Variants in TMEM132B observed in about 807,000 individuals in gnomAD.
The protein encoded by TMEM132B is transmembrane protein 132B.
A neutral mutation model predicts 90.8 loss-of-function variants in TMEM132B; 18 were observed. The observed-to-expected ratio is 0.20, with a 90% confidence interval of 0.14 to 0.29. TMEM132B has a LOEUF of 0.29. Among genes scored for constraint, TMEM132B ranks in the 10% least tolerant of loss-of-function variants. TMEM132B has a pLI of 1.00. For missense variants in TMEM132B, 1,096 were observed against 1,326.8 expected (o/e 0.83, Z 2.70); for synonymous variants, 504 against 523.3 (o/e 0.96, Z 0.50).
chr12:125,194,224 G>A (rs1361965666), intron 1 of TMEM132B, among the ~76,000 whole-genome samples: 2 of 150,878 alleles, frequency 1.3e-5, no homozygotes, highest in East Asian at 4.0e-4. Flanking sequence ...TACTGAGGGT[G>A]ATAGAGTTGC....
At position 125,237,026 on chromosome 12, in the gene TMEM132B, C is replaced by G. The variant is rs1289586814; in HGVS notation, c.67+50160C>G. Reference sequence around the variant, plus strand: ...CTGTGGGCAGCTGGGGCTCAAGCCCCACTGAGTGTCCTAAAGAGGCATGAA... The same window carrying G: ...CTGTGGGCAGCTGGGGCTCAAGCCCGACTGAGTGTCCTAAAGAGGCATGAA... On this transcript the variant is annotated intron_variant, in intron 1 of 8. Coordinates refer to ENST00000682704, the MANE Select transcript of TMEM132B (RefSeq NM_001366854.1). 3.3e-5 allele frequency among the ~76,000 whole-genome samples: 5 copies of G among 152,218 alleles called. No homozygotes were observed. The East Asian group carries it at 9.6e-4, about 29-fold the overall frequency.
At chr12:125,297,878 C>T (rs1370587951) in intron 1 of TMEM132B, among the ~76,000 whole-genome samples, 2 of 152,298 alleles carry the variant, frequency 1.3e-5, no homozygotes, top group Admixed American at 1.3e-4. Flanking sequence ...GTTCTTCCTC[C>T]TCTCTCTTTC....
At chr12:125,228,594 C>T (rs140610081) in intron 1 of TMEM132B, among the ~76,000 whole-genome samples, 1 of 152,318 alleles carries the variant, frequency 6.6e-6, no homozygotes, top group African/African-American at 2.4e-5. Flanking sequence ...GTGGGCGGAG[C>T]TGGACCTGTT....
rs115083720 is a variant in TMEM132B, at chr12:125,564,153, C to T, written c.1294-19698C>T. ...AAAATAGATTTGCAGCCAGCAGTTT[C>T]ATTAATTTGAGTCCTGAAACACTAT... On this transcript the variant is annotated intron_variant, in intron 4 of 8. Transcript: ENST00000682704. 1.7e-3 allele frequency among the ~76,000 whole-genome samples: 261 copies of T among 152,304 alleles called. 2 individuals carry two copies. The highest frequency in any genetic ancestry group is 6.1e-3 in the African/African-American group (255 of 41,558).
At position 125,544,000 on chromosome 12, in the gene TMEM132B, C is replaced by T. The variant is rs140248114; in HGVS notation, c.1293+24375C>T. On this transcript the variant is annotated intron_variant, in intron 4 of 8. Transcript: ENST00000682704. ...TAAAAAAACTGTGTACATATAACACCATGGAATACTATACAGCCATAAAAA... is the reference window on the plus strand; with the variant it reads ...TAAAAAAACTGTGTACATATAACACTATGGAATACTATACAGCCATAAAAA... Among the ~76,000 whole-genome samples, 1,492 of 152,230 alleles carry T rather than the reference C, an allele frequency of 9.8e-3. 27 individuals are homozygous for T. Among genetic ancestry groups the T allele is most frequent in the African/African-American group, 0.035 (1,438 of 41,516 alleles).
intron 3 of TMEM132B, among the ~76,000 whole-genome samples, chr12:125,471,307 G>A (rs1183077798): frequency 6.6e-6 from 1 of 152,178 alleles, no homozygotes; most frequent in African/African-American, 2.4e-5. Flanking sequence ...GATGTGTCCT[G>A]TTAGAGATGA....
chr12:125,613,887 T>C (rs1885923063), intron 5 of TMEM132B, among the ~76,000 whole-genome samples: 1 of 152,092 alleles, frequency 6.6e-6, no homozygotes, highest in South Asian at 2.1e-4. Flanking sequence ...TTTGATTCTG[T>C]GAATCAAAGT....
chr12:125,192,499 A>G (rs908928652), intron 1 of TMEM132B, among the ~76,000 whole-genome samples: 3 of 152,146 alleles, frequency 2.0e-5, no homozygotes, highest in Admixed American at 6.5e-5. Flanking sequence ...TTATTTTAGA[A>G]ATGAGGTCTT....
At chr12:125,351,093 A>G (rs933496138) in intron 2 of TMEM132B, among the ~76,000 whole-genome samples, 2 of 152,142 alleles carry the variant, frequency 1.3e-5, no homozygotes, top group Admixed American at 1.3e-4. Context: ...CAAAACATTA[A>G]ATAGAGACCC....
At chr12:125,318,212 C>T (rs1876338100) in intron 1 of TMEM132B, among the ~76,000 whole-genome samples, 1 of 151,974 alleles carries the variant, frequency 6.6e-6, no homozygotes, top group Non-Finnish European at 1.5e-5. Flanking sequence ...ACATGGTGAA[C>T]CCCAAGTTGA....
intron 5 of TMEM132B, among the ~76,000 whole-genome samples, chr12:125,605,285 A>C (rs1885665544): frequency 6.6e-6 from 1 of 152,108 alleles, no homozygotes; most frequent in Admixed American, 6.6e-5. Context: ...AATCATCTTT[A>C]TATCGGGACA....
chr12:125,201,264 A>G (rs1873051277), intron 1 of TMEM132B, among the ~76,000 whole-genome samples: 2 of 152,292 alleles, frequency 1.3e-5, no homozygotes, highest in South Asian at 2.1e-4. Context: ...CTCATCTTCT[A>G]TTTGATCAAT....
intron 1 of TMEM132B, among the ~76,000 whole-genome samples, chr12:125,322,777 C>G (rs1876463307): frequency 6.6e-6 from 1 of 152,160 alleles, no homozygotes; most frequent in Admixed American, 6.5e-5. Flanking sequence ...TACCCCTCAG[C>G]AATCCAGTTT....
At chr12:125,563,466 T>C (rs1211444714) in intron 4 of TMEM132B, among the ~76,000 whole-genome samples, 2 of 151,990 alleles carry the variant, frequency 1.3e-5, no homozygotes, top group African/African-American at 2.4e-5. Context: ...AATTAACTGC[T>C]GAGGCAGGAG....
chr12:125,356,218 G>A (rs890684628), intron 2 of TMEM132B, among the ~76,000 whole-genome samples: 1 of 152,150 alleles, frequency 6.6e-6, no homozygotes, highest in East Asian at 1.9e-4. Context: ...TCTCTTAGAC[G>A]GTGGAGCCCA....
chr12:125,287,027 T>TTTC (rs60241170), intron 1 of TMEM132B, among the ~76,000 whole-genome samples: 2 of 149,230 alleles, frequency 1.3e-5, no homozygotes, highest in Non-Finnish European at 3.0e-5. Flanking sequence ...TTTTTTTTTT[T>TTTC]CAGCTTTCTG....
chr12:125,528,495 A>G (rs1883554029), intron 4 of TMEM132B, among the ~76,000 whole-genome samples: 1 of 152,126 alleles, frequency 6.6e-6, no homozygotes, highest in South Asian at 2.1e-4. Flanking sequence ...GGACACAAAT[A>G]CTTCTTTATT....
In TMEM132B at chr12:125,408,851, C is replaced by T. The variant is rs1879596889; in HGVS notation, c.960-6680C>T. Among the ~76,000 whole-genome samples, 1 of 152,180 alleles carries T rather than the reference C, an allele frequency of 6.6e-6. No homozygotes were observed. Among genetic ancestry groups the T allele is most frequent in the Non-Finnish European group, 1.5e-5 (1 of 68,036 alleles). The stretch of plus-strand genomic sequence containing the variant: ...TCATTCCAGCAATGTTCACGAGTCC[C>T]AGTCACTCCATGACCAGGCCACCAT... On this transcript the variant is annotated intron_variant, in intron 2 of 8. Transcript: ENST00000682704. The surrounding 1 kb of genome is among the most constrained non-coding windows in gnomAD (Gnocchi z 5.9).
intron 4 of TMEM132B, among the ~76,000 whole-genome samples, chr12:125,523,324 G>A (rs1057050035): frequency 2.6e-5 from 4 of 152,062 alleles, no homozygotes; most frequent in African/African-American, 4.8e-5. Flanking sequence ...ATTCTGTACC[G>A]TTTCCAGCTT....
Sources: allele counts gnomAD v4.1 joint callset (sites outside exome capture counted in the v4.1 genomes callset), GRCh38; gene constraint gnomAD v4.1.1; non-coding constraint Gnocchi (gnomAD v3.1); transcripts MANE v1.5; gene names NCBI Gene and HGNC (gene_info 2026-07-23, HGNC 2026-07-21).